The following MICU3 variants were observed in gnomAD, a reference collection of about 807,000 sequenced individuals.
MICU3 encodes calcium uptake protein 3, mitochondrial.
A neutral mutation model predicts 66.5 loss-of-function variants in MICU3; 62 were observed. The ratio of observed to expected loss-of-function variants is 0.93; its 90% confidence interval spans 0.76 to 1.15. The LOEUF is 1.15. Among genes scored for constraint, MICU3 ranks in the 50% most tolerant of loss-of-function variants. The probability of loss-of-function intolerance (pLI) is 0.00; values close to 1 mark genes in which losing one functional copy is unlikely to be tolerated. For missense variants in MICU3, 779 were observed against 664.4 expected (o/e 1.17, Z -1.90); for synonymous variants, 308 against 240.7 (o/e 1.28, Z -2.59).
intron 1 of MICU3, among the ~76,000 whole-genome samples, chr8:17,041,380 G>A (rs1162554784): frequency 6.6e-6 from 1 of 152,174 alleles, no homozygotes; most frequent in East Asian, 1.9e-4. Flanking sequence ...GGTCAACTGA[G>A]ATAGAAATAC....
Position 17,096,060 on chromosome 8 carries a change from G to A in MICU3, c.889-2398G>A, listed in dbSNP as rs537125022. Among the ~76,000 whole-genome samples, 25 of 151,948 alleles carry A rather than the reference G, an allele frequency of 1.6e-4. No homozygotes were observed. In the South Asian group the frequency reaches 3.5e-3, roughly 21 times the overall value. ...TATTCTTTTACCTCTTTTAATGAAG[G>A]TCTACACATTTTACATGACATCTGG... On this transcript the variant is annotated intron_variant, in intron 8 of 14. Coordinates refer to ENST00000318063, the MANE Select transcript of MICU3 (RefSeq NM_181723.3).
At chr8:17,058,073 C>G (rs573832320) in intron 1 of MICU3, among the ~76,000 whole-genome samples, 1 of 152,148 alleles carries the variant, frequency 6.6e-6, no homozygotes, top group African/African-American at 2.4e-5. Flanking sequence ...TGGTCTCGAA[C>G]TCCTGACCGC....
chr8:17,132,108 A>G, the MICU3 span: 2 of 152,346 alleles, frequency 1.3e-5, no homozygotes, highest in Middle Eastern at 3.4e-3. Flanking sequence ...TCACAGTTCC[A>G]CTGGATAGTC....
At chr8:17,112,602 T>A (rs1161665182) in intron 11 of MICU3, among the ~76,000 whole-genome samples, 2 of 152,264 alleles carry the variant, frequency 1.3e-5, no homozygotes, top group African/African-American at 4.8e-5. Flanking sequence ...GAATTTGACC[T>A]CTTTCCAAAA....
At chr8:17,037,155 C>A (rs1052381194) in intron 1 of MICU3, among the ~76,000 whole-genome samples, 2 of 152,178 alleles carry the variant, frequency 1.3e-5, no homozygotes, top group African/African-American at 4.8e-5. Context: ...CTCCAGCTGG[C>A]CCACAAGCGC....
intron 2 of MICU3, among the ~76,000 whole-genome samples, chr8:17,066,733 G>C (rs988916326): frequency 1.3e-5 from 2 of 151,510 alleles, no homozygotes; most frequent in African/African-American, 2.4e-5. Context: ...TTTTTGTAGA[G>C]AGAGGGTTTT....
chr8:17,111,187 T>C (rs1802177387), intron 11 of MICU3, among the ~76,000 whole-genome samples: 1 of 152,230 alleles, frequency 6.6e-6, no homozygotes, highest in Non-Finnish European at 1.5e-5. Flanking sequence ...TTAAATTAGG[T>C]TGTTTATCAT....
intron 1 of MICU3, among the ~76,000 whole-genome samples, chr8:17,059,840 G>A (rs1817545965): frequency 6.6e-6 from 1 of 152,134 alleles, no homozygotes. Context: ...AGACATAGTT[G>A]AAGACTTGAT....
intron 1 of MICU3, among the ~76,000 whole-genome samples, chr8:17,046,793 C>G (rs1815167711): frequency 6.6e-6 from 1 of 152,080 alleles, no homozygotes; most frequent in Admixed American, 6.5e-5. Flanking sequence ...ATGAAACCTG[C>G]AAATTTCCTC....
At position 17,027,293 on chromosome 8, in the gene MICU3, G is replaced by A; in HGVS notation, c.14G>A (p.Arg5Gln). MAAL[R>Q]RLLWPPPRVS... ...GCGGCCTCCGCTATGGCTGCGCTGC[G>A]AAGGCTCTTGTGGCCGCCACCCCGG... The change falls in exon 1 of 15, where the codon CGA (arginine) becomes CAA (glutamine). Residue 5 changes from arginine to glutamine, a missense_variant. Coordinates refer to ENST00000318063, the MANE Select transcript of MICU3 (RefSeq NM_181723.3). 8 of 1,518,116 alleles carry A rather than the reference G, an allele frequency of 5.3e-6. No homozygotes were observed. Among genetic ancestry groups the A allele is most frequent in the Non-Finnish European group, 7.0e-6 (8 of 1,143,456 alleles). The allele number at this position is 1,518,116 out of a possible 1,614,324, so 94.0% of individuals were successfully genotyped here. A position where few individuals can be genotyped will look rare whatever the true frequency, so the allele number is the denominator to read the frequency against.
At chr8:17,104,155 C>A (rs1321379677) in intron 9 of MICU3, among the ~76,000 whole-genome samples, 1 of 151,874 alleles carries the variant, frequency 6.6e-6, no homozygotes, top group African/African-American at 2.4e-5. Flanking sequence ...TAAATCACAT[C>A]TTCAAAAATT....
downstream of MICU3, among the ~76,000 whole-genome samples, chr8:17,123,820 A>G (rs1035778363): frequency 3.3e-5 from 5 of 152,078 alleles, no homozygotes; most frequent in African/African-American, 1.2e-4. Flanking sequence ...TAATGGGAGC[A>G]TAGTAAGGTA....
chr8:17,116,314 T>G (rs1802673061), intron 12 of MICU3, 129 bp from the exon 13 acceptor site: 1 of 544,222 alleles, frequency 1.8e-6, no homozygotes, highest in Non-Finnish European at 3.0e-6. Context: ...GCAGGATTAA[T>G]GGAAGGCCAT....
intron 4 of MICU3, 105 bp downstream of exon 4, chr8:17,077,966 T>C: frequency 5.1e-6 from 3 of 591,426 alleles, no homozygotes; most frequent in Non-Finnish European, 8.2e-6. Context: ...TACATCTATG[T>C]GTATGCATAG....
chr8:17,129,895 G>A, the MICU3 span, among the ~76,000 whole-genome samples: 1 of 152,082 alleles, frequency 6.6e-6, no homozygotes, highest in Admixed American at 6.5e-5. Flanking sequence ...ATATACAAGG[G>A]TAATGATAAG....
In MICU3 at chr8:17,054,738, C is replaced by CTTTTTT. The variant is rs559605289; in HGVS notation, c.382-9332_382-9327dup. Among the ~76,000 whole-genome samples, 62 of 122,728 alleles carry CTTTTTT rather than the reference C, an allele frequency of 5.1e-4. 1 individual carries two copies. The highest frequency in any genetic ancestry group is 2.6e-3 in the East Asian group (10 of 3,882). The allele number at this position is 122,728 out of a possible 152,430, so 80.5% of individuals were successfully genotyped here. ...GTTTTCTTTTTCTTTTTCTTTCTTTCTTTTTTTTTTTTTTTTTTTGAGACA... is the reference window on the plus strand; with the variant it reads ...GTTTTCTTTTTCTTTTTCTTTCTTTCTTTTTTTTTTTTTTTTTTTTTTTTTGAGACA... On this transcript the variant is annotated intron_variant, in intron 1 of 14. Transcript: ENST00000318063.
intron 1 of MICU3, among the ~76,000 whole-genome samples, chr8:17,049,005 A>G (rs1585224331): frequency 6.6e-6 from 1 of 152,066 alleles, no homozygotes; most frequent in Non-Finnish European, 1.5e-5. Context: ...TAAACAGTAC[A>G]CAGTTCTGTA....
At chr8:17,094,540 G>C (rs942156001) in intron 8 of MICU3, among the ~76,000 whole-genome samples, 3 of 151,860 alleles carry the variant, frequency 2.0e-5, no homozygotes, top group African/African-American at 2.4e-5. Context: ...AAGACAGCTG[G>C]TTTCTCGTAG....
intron 8 of MICU3, among the ~76,000 whole-genome samples, chr8:17,098,091 T>A: frequency 6.6e-6 from 1 of 151,784 alleles, no homozygotes; most frequent in East Asian, 1.9e-4. Flanking sequence ...GCTACAAAGT[T>A]ACCAAAATTT....
Sources: allele counts gnomAD v4.1 joint callset (sites outside exome capture counted in the v4.1 genomes callset), GRCh38; gene constraint gnomAD v4.1.1; transcripts MANE v1.5; gene names NCBI Gene and HGNC (gene_info 2026-07-23, HGNC 2026-07-21).